Variants in LRRC8C observed in about 807,000 individuals in gnomAD.
LRRC8C encodes the protein volume-regulated anion channel subunit LRRC8C.
A neutral mutation model predicts 55.3 loss-of-function variants in LRRC8C; 20 were observed. That is an observed-to-expected ratio of 0.36 (90% CI 0.25 to 0.53). LRRC8C has a LOEUF of 0.53. Among genes scored for constraint, LRRC8C ranks in the 20% least tolerant of loss-of-function variants. LRRC8C has a pLI of 0.92. For synonymous variants in LRRC8C, 376 were observed against 360.7 expected, an observed-to-expected ratio of 1.04 and a Z score of -0.48; for missense variants, 659 against 951.4, an observed-to-expected ratio of 0.69 and a Z score of 4.04.
At position 89,714,747 on chromosome 1, in the gene LRRC8C, A is replaced by G. The variant is rs1331995538; in HGVS notation, c.2177A>G (p.Tyr726Cys). Residue 726 changes from tyrosine (Y) to cysteine (C), a missense_variant, in exon 3 of 3, where the codon TAC (tyrosine) becomes TGC (cysteine). By Grantham distance (194) the Tyr-to-Cys change is radical. This residue lies in a region of LRRC8C where 344 missense variants were observed against 464.6 expected (regional missense o/e 0.74). Coordinates refer to ENST00000370454, the MANE Select transcript of LRRC8C (RefSeq NM_032270.5). The surrounding 1 kb of genome is among the most constrained non-coding windows in gnomAD (Gnocchi z 4.6). ...NKVESLPDEL[Y>C]FCKKLKTLKI... Reference sequence around the variant, plus strand: ...GTGGAAAGCCTTCCAGATGAACTCTACTTCTGCAAGAAACTTAAAACTCTG... The same window carrying G: ...GTGGAAAGCCTTCCAGATGAACTCTGCTTCTGCAAGAAACTTAAAACTCTG... 6.2e-7 allele frequency: 1 copy of G among 1,613,890 alleles called. No homozygotes were observed. The highest frequency in any genetic ancestry group is 8.5e-7 in the Non-Finnish European group (1 of 1,179,902).
At chr1:89,666,279 G>C (rs1657259954) in intron 1 of LRRC8C, among the ~76,000 whole-genome samples, 1 of 152,128 alleles carries the variant, frequency 6.6e-6, no homozygotes, top group Non-Finnish European at 1.5e-5. Flanking sequence ...GGCAATGTGA[G>C]TAGAGGAAAA....
At chr1:89,711,828 C>G (rs752624117) in intron 2 of LRRC8C, among the ~76,000 whole-genome samples, 3 of 152,164 alleles carry the variant, frequency 2.0e-5, no homozygotes, top group Non-Finnish European at 4.4e-5. Context: ...CTGTTGAACA[C>G]TTCTGTATTT....
Position 89,713,290 on chromosome 1 carries a change from C to T in LRRC8C, c.720C>T (p.Ala240=), listed in dbSNP as rs1190917863. 2 of 1,614,122 alleles carry T rather than the reference C, an allele frequency of 1.2e-6. No homozygotes were observed. The highest frequency in any genetic ancestry group is 1.1e-5 in the South Asian group (1 of 91,078). ...LDKKEGEQAK[A]LFEKVKKFRL... ...AAAAGGAAGGTGAGCAGGCTAAGGC[C>T]TTATTTGAGAAGGTGAAGAAGTTCA... The change falls in exon 3 of 3, where the codon GCC becomes GCT. Residue 240 remains alanine, a synonymous_variant. Transcript: ENST00000370454. The surrounding 1 kb of genome is among the most constrained non-coding windows in gnomAD (Gnocchi z 5.2).
chr1:89,618,651 T>C, the LRRC8C span, among the ~76,000 whole-genome samples: 1 of 152,206 alleles, frequency 6.6e-6, no homozygotes, highest in Admixed American at 6.5e-5. Flanking sequence ...TTGAGAGATA[T>C]TTTGAAGTAA....
chr1:89,703,367 T>C (rs759430370), intron 2 of LRRC8C, among the ~76,000 whole-genome samples: 1 of 152,132 alleles, frequency 6.6e-6, no homozygotes, highest in Non-Finnish European at 1.5e-5. Context: ...GAAAGCAATA[T>C]AGGAATTGTC....
In LRRC8C at chr1:89,718,987, C is replaced by T. The variant is rs537992711; in HGVS notation, c.*4005C>T. ...TGCCATGATTTTATAAGATTTAGGC[C>T]TCAGTGACATGCTCCTGAAAGTTTC... On this transcript the variant is annotated 3_prime_UTR_variant, in exon 3 of 3. Coordinates refer to ENST00000370454, the MANE Select transcript of LRRC8C (RefSeq NM_032270.5). 9.2e-5 allele frequency: 14 copies of T among 152,096 alleles called. No individual in the cohort carries two copies. Among genetic ancestry groups the T allele is most frequent in the Non-Finnish European group, 1.9e-4 (13 of 68,016 alleles). The allele number at this position is 152,096 out of a possible 1,614,324, so 9.4% of individuals were successfully genotyped here. A position where few individuals can be genotyped will look rare whatever the true frequency, so the allele number is the denominator to read the frequency against.
chr1:89,684,210 A>G (rs1657807270), intron 1 of LRRC8C, among the ~76,000 whole-genome samples: 1 of 152,236 alleles, frequency 6.6e-6, no homozygotes, highest in Non-Finnish European at 1.5e-5. Context: ...CCAAAAAGTT[A>G]GAGAGCCACT....
chr1:89,626,417 G>C, the LRRC8C span: 1 of 152,094 alleles, frequency 6.6e-6, no homozygotes, highest in Non-Finnish European at 1.5e-5. Context: ...ACAGGCTAAG[G>C]GCTCAGTCCC....
intron 1 of LRRC8C, among the ~76,000 whole-genome samples, chr1:89,672,178 G>C (rs1323968200): frequency 6.6e-6 from 1 of 152,124 alleles, no homozygotes; most frequent in Non-Finnish European, 1.5e-5. Context: ...CCTGGCCTTG[G>C]CCTCCAATTT....
the LRRC8C span, among the ~76,000 whole-genome samples, chr1:89,625,586 G>A: frequency 6.6e-6 from 1 of 152,194 alleles, no homozygotes; most frequent in Admixed American, 6.5e-5. Context: ...GATGGGTGGT[G>A]GCTTTCACGG....
chr1:89,694,635 G>A (rs13374252), intron 2 of LRRC8C, among the ~76,000 whole-genome samples: 2,967 of 139,094 alleles, frequency 0.021, 112 homozygotes, highest in African/African-American at 0.077. Flanking sequence ...TGTCACCCAG[G>A]CTGGAATGTG....
intron 2 of LRRC8C, among the ~76,000 whole-genome samples, chr1:89,692,397 T>C (rs778242343): frequency 6.6e-5 from 10 of 152,226 alleles, no homozygotes; most frequent in Non-Finnish European, 1.3e-4. Flanking sequence ...GCTTTTTTCA[T>C]GTCAAGTTAA....
the LRRC8C span, among the ~76,000 whole-genome samples, chr1:89,624,345 T>C: frequency 5.9e-5 from 9 of 152,330 alleles, no homozygotes; most frequent in Non-Finnish European, 7.4e-5. Flanking sequence ...TAGAGACCCA[T>C]AGAGAACTGT....
At chr1:89,688,163 C>G (rs56677437) in intron 2 of LRRC8C, among the ~76,000 whole-genome samples, 2,501 of 152,200 alleles carry the variant, frequency 0.016, 68 homozygotes, top group African/African-American at 0.057. Context: ...ACCATGCTGT[C>G]TTTTATTTGG....
the LRRC8C span, among the ~76,000 whole-genome samples, chr1:89,622,903 C>T: frequency 6.6e-6 from 1 of 151,810 alleles, no homozygotes; most frequent in Admixed American, 6.6e-5. Context: ...TTTGGTTAAG[C>T]CAATAAAATG....
chr1:89,659,868 A>G (rs1480360828), intron 1 of LRRC8C, among the ~76,000 whole-genome samples: 1 of 152,172 alleles, frequency 6.6e-6, no homozygotes, highest in African/African-American at 2.4e-5. Flanking sequence ...AAAATGAGCA[A>G]CCTGGTCTCT....
At chr1:89,710,892 T>C (rs948449150) in intron 2 of LRRC8C, among the ~76,000 whole-genome samples, 1 of 152,206 alleles carries the variant, frequency 6.6e-6, no homozygotes, top group African/African-American at 2.4e-5. Context: ...TCTAGGTGAT[T>C]CTGAGCTAGA....
the LRRC8C span, among the ~76,000 whole-genome samples, chr1:89,626,067 T>C: frequency 6.6e-6 from 1 of 152,228 alleles, no homozygotes; most frequent in Non-Finnish European, 1.5e-5. Context: ...AGCCAGTCAT[T>C]TGTAGATTTA....
upstream of LRRC8C, among the ~76,000 whole-genome samples, chr1:89,631,229 G>C (rs904212907): frequency 2.0e-5 from 3 of 152,094 alleles, no homozygotes; most frequent in African/African-American, 7.2e-5. Context: ...ATACCTATAG[G>C]GATGATAAGG....
Sources: gnomAD v4.1 joint callset for allele counts (sites outside exome capture counted in the v4.1 genomes callset) on GRCh38, gnomAD v4.1.1 for gene constraint, gnomAD v4.1.1 regional missense constraint, Gnocchi (gnomAD v3.1) non-coding constraint, MANE v1.5 for transcripts, NCBI Gene and HGNC (gene_info 2026-07-23, HGNC 2026-07-21) for gene names.